Variants in CDH12 observed in about 807,000 individuals in gnomAD.
CDH12 encodes cadherin-12.
Under a neutral mutation model 74.1 loss-of-function variants are expected in CDH12, and 41 were observed. The observed-to-expected ratio is 0.55, with a 90% CI of 0.43 to 0.72. The LOEUF is 0.72. CDH12 is among the 30% of genes least tolerant of loss of function. The pLI, the probability that CDH12 is intolerant of heterozygous loss-of-function variation, is 0.00. For synonymous variants in CDH12, 399 were observed against 355.0 expected (o/e 1.12, Z -1.39); for missense variants, 945 against 977.2 (o/e 0.97, Z 0.44).
intron 5 of CDH12, among the ~76,000 whole-genome samples, chr5:22,029,596 T>A (rs1738665128): frequency 6.6e-6 from 1 of 152,190 alleles, no homozygotes; most frequent in East Asian, 1.9e-4. Context: ...TGGCAATCAT[T>A]AAAAAGTCAG....
chr5:22,117,489 T>TATATTA (rs1491147762), intron 4 of CDH12, among the ~76,000 whole-genome samples: 124 of 48,582 alleles, frequency 2.6e-3, no homozygotes, highest in African/African-American at 8.9e-3. Flanking sequence ...TATATATATA[T>TATATTA]TATATATATA....
intron 6 of CDH12, among the ~76,000 whole-genome samples, chr5:21,970,593 A>G (rs1485837827): frequency 6.6e-6 from 1 of 152,004 alleles, no homozygotes; most frequent in Non-Finnish European, 1.5e-5. Context: ...TAACACCAGC[A>G]CTTTGGGAGG....
At chr5:22,639,558 C>T (rs988403164) in intron 1 of CDH12, among the ~76,000 whole-genome samples, 1 of 151,606 alleles carries the variant, frequency 6.6e-6, no homozygotes, top group Non-Finnish European at 1.5e-5. Context: ...GAATTGGAAC[C>T]AAGAGGGACC....
chr5:22,502,627 C>T (rs1736219969), intron 2 of CDH12, among the ~76,000 whole-genome samples: 1 of 150,564 alleles, frequency 6.6e-6, no homozygotes, highest in Admixed American at 6.8e-5. Flanking sequence ...CTATTGCCAG[C>T]AGTCATCTTT....
intron 3 of CDH12, among the ~76,000 whole-genome samples, chr5:22,313,060 A>G (rs1475306362): frequency 6.6e-6 from 1 of 152,120 alleles, no homozygotes; most frequent in Non-Finnish European, 1.5e-5. Context: ...CATCCCATCC[A>G]CTACTTGCCA....
intron 6 of CDH12, chr5:21,883,961 T>A (rs191912598): frequency 6.2e-7 from 1 of 1,605,932 alleles, no homozygotes; most frequent in Non-Finnish European, 8.5e-7. Context: ...TGACTCCAGC[T>A]AATGAAGATC....
chr5:21,880,412 T>C (rs957227296), intron 6 of CDH12, among the ~76,000 whole-genome samples: 1 of 152,160 alleles, frequency 6.6e-6, no homozygotes, highest in African/African-American at 2.4e-5. Flanking sequence ...ATCCCAGCAC[T>C]GGGGTGCTCT....
At chr5:22,617,284 A>G (rs1221340149) in intron 1 of CDH12, among the ~76,000 whole-genome samples, 4 of 152,088 alleles carry the variant, frequency 2.6e-5, no homozygotes, top group African/African-American at 9.7e-5. Flanking sequence ...CCCTCACCAG[A>G]TATGGAATTG....
intron 3 of CDH12, among the ~76,000 whole-genome samples, chr5:22,340,057 T>C (rs948586580): frequency 3.3e-5 from 5 of 152,228 alleles, no homozygotes; most frequent in African/African-American, 1.2e-4. Flanking sequence ...TTAAATTCAA[T>C]TTAATCTGGA....
intron 5 of CDH12, among the ~76,000 whole-genome samples, chr5:22,069,137 T>C (rs1741767825): frequency 6.6e-6 from 1 of 152,196 alleles, no homozygotes. Context: ...ATGCCTTATC[T>C]ACCATCCTGA....
At chr5:22,660,783 C>T (rs1328298168) in intron 1 of CDH12, among the ~76,000 whole-genome samples, 1 of 152,090 alleles carries the variant, frequency 6.6e-6, no homozygotes, top group Non-Finnish European at 1.5e-5. Flanking sequence ...AATTTAAATA[C>T]AATATTTCCA....
intron 2 of CDH12, among the ~76,000 whole-genome samples, chr5:22,457,664 C>T (rs1227796987): frequency 6.6e-6 from 1 of 151,600 alleles, no homozygotes; most frequent in Non-Finnish European, 1.5e-5. Flanking sequence ...TTGCAGCCTC[C>T]ACCTCCCAAG....
At chr5:21,955,899 C>A (rs777358973) in intron 6 of CDH12, among the ~76,000 whole-genome samples, 28 of 152,066 alleles carry the variant, frequency 1.8e-4, no homozygotes, top group Middle Eastern at 3.4e-3. Context: ...TATAAAAATA[C>A]CCTAAAGCTA....
intron 4 of CDH12, among the ~76,000 whole-genome samples, chr5:22,126,191 C>T (rs764880190): frequency 6.6e-5 from 10 of 152,084 alleles, no homozygotes; most frequent in Non-Finnish European, 1.5e-4. Flanking sequence ...TCTGTGAAGA[C>T]TCCAAGTTGC....
At chr5:22,358,559 C>T (rs370773479) in intron 3 of CDH12, among the ~76,000 whole-genome samples, 1 of 152,130 alleles carries the variant, frequency 6.6e-6, no homozygotes, top group African/African-American at 2.4e-5. Context: ...TTTAGCCACA[C>T]AATATATATA....
intron 11 of CDH12, among the ~76,000 whole-genome samples, chr5:21,766,299 A>C (rs1369966621): frequency 1.3e-5 from 2 of 152,028 alleles, no homozygotes; most frequent in Admixed American, 6.6e-5. Context: ...CAATACCTAC[A>C]CAGATAACAT....
intron 2 of CDH12, among the ~76,000 whole-genome samples, chr5:22,416,913 TA>T (rs746362839): frequency 6.6e-6 from 1 of 152,200 alleles, no homozygotes; most frequent in East Asian, 1.9e-4. Flanking sequence ...AAATTTAAGA[TA>T]TTTTTTAATG....
At chr5:21,812,092 G>T (rs907736184) in intron 9 of CDH12, among the ~76,000 whole-genome samples, 17 of 151,874 alleles carry the variant, frequency 1.1e-4, no homozygotes, top group Non-Finnish European at 5.9e-5. Context: ...AGATAAAACA[G>T]TAATAACAAT....
At chr5:22,693,066 G>C (rs1742169082) in intron 1 of CDH12, among the ~76,000 whole-genome samples, 1 of 150,678 alleles carries the variant, frequency 6.6e-6, no homozygotes, top group Non-Finnish European at 1.5e-5. Context: ...GCCTGGGTTG[G>C]TCTTGAATTC....
Sources: allele counts gnomAD v4.1 joint callset (sites outside exome capture counted in the v4.1 genomes callset), GRCh38; gene constraint gnomAD v4.1.1; transcripts MANE v1.5; gene names NCBI Gene and HGNC (gene_info 2026-07-23, HGNC 2026-07-21).